Variants in MED28 observed in about 807,000 individuals in gnomAD.
MED28 encodes the protein mediator of RNA polymerase II transcription subunit 28.
In MED28, 26 loss-of-function variants were observed where a neutral mutation model predicts 21.3. The observed-to-expected ratio is 1.22, with a 90% CI of 0.89 to 1.69. The LOEUF (loss-of-function observed/expected upper bound fraction) is 1.69, where lower values mean the gene tolerates loss of function less well. Ranked by LOEUF, MED28 falls within the 40% of genes most tolerant of loss-of-function variation. The pLI is 0.00. For synonymous variants in MED28, 110 were observed against 87.6 expected (o/e 1.26, Z -1.43); for missense variants, 257 against 215.4 (o/e 1.19, Z -1.21).
At chr4:17,614,972 C>G (rs904791822) in intron 1 of MED28, among the ~76,000 whole-genome samples, 159 bp downstream of exon 1, 2 of 152,184 alleles carry the variant, frequency 1.3e-5, no homozygotes, top group African/African-American at 4.8e-5. Flanking sequence ...CCCCGTGGCC[C>G]GTATTCAATT....
chr4:17,633,858 C>A lies in MED28; in HGVS notation c.*10060C>A, dbSNP rs183471400. On this transcript the variant is annotated 3_prime_UTR_variant, in exon 4 of 4. Coordinates refer to ENST00000237380, the MANE Select transcript of MED28 (RefSeq NM_025205.5). ...GAGGCGAGGTTCGGCACGCTGACCACGCGGCTGGGCACGTCCTCCACCTTC... is the reference window on the plus strand; with the variant it reads ...GAGGCGAGGTTCGGCACGCTGACCAAGCGGCTGGGCACGTCCTCCACCTTC... The A allele has an allele frequency of 1.3e-6, 2 of 1,550,714 alleles. No homozygotes were observed. The highest frequency in any genetic ancestry group is 1.7e-6 in the Non-Finnish European group (2 of 1,146,628).
rs1302237817 is a variant in MED28, at chr4:17,621,601, A to G, written c.241A>G (p.Ile81Val). ...EEIRTGVDQC[I>V]QKFLDIARQT... Reference sequence around the variant, plus strand: ...TTTTTTTTAAGGTGTTGATCAGTGTATCCAGAAGTTTCTGGATATTGCAAG... The same window carrying G: ...TTTTTTTTAAGGTGTTGATCAGTGTGTCCAGAAGTTTCTGGATATTGCAAG... Residue 81 changes from isoleucine (I) to valine (V), a missense_variant, in exon 3 of 4, where the codon ATC (isoleucine) becomes GTC (valine). Transcript: ENST00000237380. 6 of 1,603,246 alleles carry G rather than the reference A, an allele frequency of 3.7e-6. No homozygotes were observed. Among genetic ancestry groups the G allele is most frequent in the Non-Finnish European group, 4.2e-6 (5 of 1,176,592 alleles).
Position 17,633,800 on chromosome 4 carries a change from C to G in MED28, c.*10002C>G. The G allele has an allele frequency of 6.4e-7, 1 of 1,551,640 alleles. No individual in the cohort carries two copies. Among genetic ancestry groups the G allele is most frequent in the Non-Finnish European group, 8.7e-7 (1 of 1,146,978 alleles). On this transcript the variant is annotated 3_prime_UTR_variant, in exon 4 of 4. Coordinates refer to ENST00000237380, the MANE Select transcript of MED28 (RefSeq NM_025205.5). ...TATTGGAGGGGCATTAATCCTGGAA[C>G]TCAGATCGCCACTCAGAAAGTTCTT...
chr4:17,632,681 T>G lies in MED28; in HGVS notation c.*8883T>G, dbSNP rs1714994633. On this transcript the variant is annotated 3_prime_UTR_variant, in exon 4 of 4. Transcript: ENST00000237380. ...TTTTGAAAACTATGCAAGAAGCAGC[T>G]TAATACCCACCATCTTTTCAGGGAA... 8 of 1,152,842 alleles carry G rather than the reference T, an allele frequency of 6.9e-6. No individual in the cohort carries two copies. The highest frequency in any genetic ancestry group is 7.5e-6 in the Non-Finnish European group (6 of 796,844). 71.4% of individuals were successfully genotyped at this position (1,152,842 alleles called of 1,614,324 possible).
rs1715033128 is a variant in MED28, at chr4:17,633,666, C to T, written c.*9868C>T. On this transcript the variant is annotated 3_prime_UTR_variant, in exon 4 of 4. Transcript: ENST00000237380. ...TCTACAGGGAAATAGAATAAGGGCC[C>T]CTGTCCCCAACATCCCCCAAACCTT... 1 of 1,486,692 alleles carries T rather than the reference C, an allele frequency of 6.7e-7. No individual in the cohort carries two copies. Among genetic ancestry groups the T allele is most frequent in the African/African-American group, 1.4e-5 (1 of 70,118 alleles). The allele number at this position is 1,486,692 out of a possible 1,614,324, so 92.1% of individuals were successfully genotyped here. A position where few individuals can be genotyped will look rare whatever the true frequency, so the allele number is the denominator to read the frequency against.
At chr4:17,622,979 A>T (rs1345080834) in intron 3 of MED28, among the ~76,000 whole-genome samples, 5 of 152,318 alleles carry the variant, frequency 3.3e-5, no homozygotes, top group African/African-American at 1.2e-4. Flanking sequence ...TCCTCCCTCG[A>T]CACATGGGAA....
Position 17,625,972 on chromosome 4 carries a change from TATAAC to T in MED28, c.*2176_*2180del, listed in dbSNP as rs1470571071. 1 of 169,072 alleles carries T rather than the reference TATAAC, an allele frequency of 5.9e-6. No homozygotes were observed. Among genetic ancestry groups the T allele is most frequent in the Non-Finnish European group, 1.3e-5 (1 of 78,762 alleles). 10.5% of individuals were successfully genotyped at this position (169,072 alleles called of 1,614,324 possible). On this transcript the variant is annotated 3_prime_UTR_variant, in exon 4 of 4. Coordinates refer to ENST00000237380, the MANE Select transcript of MED28 (RefSeq NM_025205.5). ...ATCCCATTCAGTCTTCTAGAAGCCTTATAACAGAATCAATATTGTTTTTCCCATTT... is the reference window on the plus strand; with the variant it reads ...ATCCCATTCAGTCTTCTAGAAGCCTTAGAATCAATATTGTTTTTCCCATTT...
chr4:17,625,471 C>G lies in MED28; in HGVS notation c.*1673C>G. 3.9e-6 allele frequency: 1 copy of G among 255,354 alleles called. No homozygotes were observed. Among genetic ancestry groups the G allele is most frequent in the East Asian group, 1.4e-4 (1 of 7,028 alleles). The allele number at this position is 255,354 out of a possible 1,614,324, so 15.8% of individuals were successfully genotyped here. ...CAGCTTTGTATTTCTTGACTAAAAA[C>G]CTAAATAAACTGATTAGGTTTTAGG... On this transcript the variant is annotated 3_prime_UTR_variant, in exon 4 of 4. Transcript: ENST00000237380.
chr4:17,614,662 C>T lies in MED28; in HGVS notation c.8C>T (p.Ala3Val), dbSNP rs777069152. The change falls in exon 1 of 4, where the codon GCT (alanine) becomes GTT (valine). Residue 3 changes from alanine (A) to valine (V), a missense_variant. Coordinates refer to ENST00000237380, the MANE Select transcript of MED28 (RefSeq NM_025205.5). MA[A>V]PLGGMFSGQP... is the part of the protein sequence containing the mutation. ...TCTTGCGCCATTCCAAACATGGCGG[C>T]TCCACTAGGGGGTATGTTTTCTGGG... The T allele has an allele frequency of 3.1e-6, 5 of 1,606,330 alleles. No homozygotes were observed. The highest frequency in any genetic ancestry group is 1.1e-5 in the South Asian group (1 of 90,666).
rs889333289 is a variant in MED28 at position 17,626,839 on chromosome 4, C to G, written c.*3041C>G. 1 of 152,318 alleles carries G rather than the reference C, an allele frequency of 6.6e-6. No individual in the cohort carries two copies. Among genetic ancestry groups the G allele is most frequent in the Admixed American group, 6.5e-5 (1 of 15,282 alleles). 9.4% of individuals were successfully genotyped at this position (152,318 alleles called of 1,614,324 possible). On this transcript the variant is annotated 3_prime_UTR_variant, in exon 4 of 4. Transcript: ENST00000237380. ...GCAGCACTGTCTCCTGCCGGACATT[C>G]CTGCCACCCGACATCAAAGCTGGTG...
chr4:17,620,703 T>C (rs1468709823), intron 2 of MED28, among the ~76,000 whole-genome samples: 1 of 149,412 alleles, frequency 6.7e-6, no homozygotes. Context: ...TTTTTTTTTT[T>C]TTTTTTTTTT....
In MED28 at chr4:17,628,864, C is replaced by A; in HGVS notation, c.*5066C>A. 6.6e-6 allele frequency: 1 copy of A among 152,420 alleles called. No homozygotes were observed. The highest frequency in any genetic ancestry group is 2.4e-5 in the African/African-American group (1 of 41,534). 9.4% of individuals were successfully genotyped at this position (152,420 alleles called of 1,614,324 possible). A position where few individuals can be genotyped will look rare whatever the true frequency, so the allele number is the denominator to read the frequency against. ...ACCAGTGGTACCCTGGGAAAATATC[C>A]CTGTGGAGGGGAATGGGAGGAGTCA... On this transcript the variant is annotated 3_prime_UTR_variant, in exon 4 of 4. Transcript: ENST00000237380.
rs1432021731 is a variant in MED28, at chr4:17,632,913, G to C, written c.*9115G>C. 9.0e-6 allele frequency: 2 copies of C among 222,858 alleles called. No individual in the cohort carries two copies. The highest frequency in any genetic ancestry group is 1.8e-5 in the Non-Finnish European group (2 of 110,760). The allele number at this position is 222,858 out of a possible 1,614,324, so 13.8% of individuals were successfully genotyped here. Reference sequence around the variant, plus strand: ...TAATGCAGGATTAACCAAACCTACAGATCAAGAGACTTTGTTTTTATTTTT... The same window carrying C: ...TAATGCAGGATTAACCAAACCTACACATCAAGAGACTTTGTTTTTATTTTT... On this transcript the variant is annotated 3_prime_UTR_variant, in exon 4 of 4. Coordinates refer to ENST00000237380, the MANE Select transcript of MED28 (RefSeq NM_025205.5).
In MED28 at chr4:17,633,684, C is replaced by T. The variant is rs1715033826; in HGVS notation, c.*9886C>T. On this transcript the variant is annotated 3_prime_UTR_variant, in exon 4 of 4. Transcript: ENST00000237380. ...AAGGGCCCCTGTCCCCAACATCCCC[C>T]AAACCTTGTGGCAGTTTTTGCATCT... 4 of 1,522,956 alleles carry T rather than the reference C, an allele frequency of 2.6e-6. No individual in the cohort carries two copies. Among genetic ancestry groups the T allele is most frequent in the Non-Finnish European group, 3.5e-6 (4 of 1,131,736 alleles). The allele number at this position is 1,522,956 out of a possible 1,614,324, so 94.3% of individuals were successfully genotyped here.
chr4:17,616,597 C>T (rs759894380), intron 1 of MED28, among the ~76,000 whole-genome samples: 2 of 152,206 alleles, frequency 1.3e-5, no homozygotes, highest in Non-Finnish European at 2.9e-5. Flanking sequence ...GACTTTCCCA[C>T]GTGTACCATT....
Position 17,632,690 on chromosome 4 carries a change from A to T in MED28, c.*8892A>T. On this transcript the variant is annotated 3_prime_UTR_variant, in exon 4 of 4. Transcript: ENST00000237380. ...CTATGCAAGAAGCAGCTTAATACCCACCATCTTTTCAGGGAAAGATAACTG... is the reference window on the plus strand; with the variant it reads ...CTATGCAAGAAGCAGCTTAATACCCTCCATCTTTTCAGGGAAAGATAACTG... 1 of 1,076,806 alleles carries T rather than the reference A, an allele frequency of 9.3e-7. No homozygotes were observed. The highest frequency in any genetic ancestry group is 2.7e-5 in the East Asian group (1 of 37,590). The allele number at this position is 1,076,806 out of a possible 1,614,324, so 66.7% of individuals were successfully genotyped here. A position where few individuals can be genotyped will look rare whatever the true frequency, so the allele number is the denominator to read the frequency against.
In MED28 at chr4:17,625,665, T is replaced by C. The variant is rs1714755547; in HGVS notation, c.*1867T>C. On this transcript the variant is annotated 3_prime_UTR_variant, in exon 4 of 4. Transcript: ENST00000237380. ...TCTTCTCTGTTTGTAGACATCTTAC[T>C]GGGTGATGAATAATCCTCTAAGAAA... 4.5e-6 allele frequency: 2 copies of C among 449,258 alleles called. No individual in the cohort carries two copies. The highest frequency in any genetic ancestry group is 8.9e-6 in the Non-Finnish European group (2 of 225,342). The allele number at this position is 449,258 out of a possible 1,614,324, so 27.8% of individuals were successfully genotyped here.
Position 17,625,705 on chromosome 4 carries a change from A to G in MED28, c.*1907A>G, listed in dbSNP as rs1386297082. 6.7e-6 allele frequency: 3 copies of G among 445,160 alleles called. No individual in the cohort carries two copies. The highest frequency in any genetic ancestry group is 4.0e-5 in the African/African-American group (2 of 49,688). 27.6% of individuals were successfully genotyped at this position (445,160 alleles called of 1,614,324 possible). ...CCTCTAAGAAACCCTCTGAGCTGCT[A>G]ACTTTTTCAGGGAGAAAATCACAAG... On this transcript the variant is annotated 3_prime_UTR_variant, in exon 4 of 4. Transcript: ENST00000237380.
Position 17,614,665 on chromosome 4 carries a change from C to T in MED28, c.11C>T (p.Pro4Leu), listed in dbSNP as rs768307439. 9.3e-6 allele frequency: 15 copies of T among 1,611,592 alleles called. No individual in the cohort carries two copies. The highest frequency in any genetic ancestry group is 1.3e-5 in the African/African-American group (1 of 74,804). ...TGCGCCATTCCAAACATGGCGGCTC[C>T]ACTAGGGGGTATGTTTTCTGGGCAG... MAAPLGGMFSGQPP... is the reference protein window; with the variant it reads MAALLGGMFSGQPP... The change falls in exon 1 of 4, where the codon CCA becomes CTA. Residue 4 changes from proline to leucine, a missense_variant. Coordinates refer to ENST00000237380, the MANE Select transcript of MED28 (RefSeq NM_025205.5).
Sources: allele counts gnomAD v4.1 joint callset (sites outside exome capture counted in the v4.1 genomes callset), GRCh38; gene constraint gnomAD v4.1.1; transcripts MANE v1.5; gene names NCBI Gene and HGNC (gene_info 2026-07-23, HGNC 2026-07-21).